ELP1: variants seen among roughly 807,000 people sequenced by gnomAD.
The protein encoded by ELP1 is elongator acetyltransferase complex subunit 1.
Under a neutral mutation model 183.2 loss-of-function variants are expected in ELP1, and 131 were observed. The ratio of observed to expected loss-of-function variants is 0.72; its 90% CI spans 0.62 to 0.83. The LOEUF is 0.83. Among genes scored for constraint, ELP1 ranks in the 40% least tolerant of loss-of-function variants. ELP1 has a pLI of 0.00. For synonymous variants in ELP1, 555 were observed against 569.0 expected (o/e 0.98, Z 0.35); for missense variants, 1,550 against 1,594.9 (o/e 0.97, Z 0.48).
chr9:108,917,123 T>C (rs1299977943), intron 9 of ELP1, among the ~76,000 whole-genome samples: 3 of 152,230 alleles, frequency 2.0e-5, no homozygotes, highest in Non-Finnish European at 4.4e-5. Flanking sequence ...GCCACCATTT[T>C]TATTACTATT....
At position 108,891,257 on chromosome 9, in the gene ELP1, C is replaced by T. The variant is rs751489413; in HGVS notation, c.3106G>A (p.Ala1036Thr). 1.2e-6 allele frequency: 2 copies of T among 1,614,092 alleles called. No homozygotes were observed. The highest frequency in any genetic ancestry group is 1.3e-5 in the African/African-American group (1 of 74,932). Residue 1036 changes from alanine (A) to threonine (T), a missense_variant, in exon 28 of 37, where the codon GCC (alanine) becomes ACC (threonine). By Grantham distance (58) the Ala-to-Thr change is moderately conservative. Transcript: ENST00000374647. ...GNWKQALCVA[A>T]QLNFTKDQLV... is the part of the protein sequence containing the mutation. ...TGGTCTTTGGTAAAGTTAAGCTGGG[C>T]TGCCACACAGAGGGCTTGCTTCCAG... is the stretch of plus-strand genomic sequence containing the variant.
intron 20 of ELP1, among the ~76,000 whole-genome samples, chr9:108,899,060 G>A (rs1255434064): frequency 2.6e-5 from 4 of 152,018 alleles, no homozygotes; most frequent in Admixed American, 1.3e-4. Flanking sequence ...ACTTTGGGAG[G>A]CCGAGGTGGG....
chr9:108,885,265 T>C (rs1477766220), intron 29 of ELP1, among the ~76,000 whole-genome samples: 6 of 151,932 alleles, frequency 3.9e-5, no homozygotes, highest in Non-Finnish European at 8.8e-5. Flanking sequence ...ATCAATAAAA[T>C]TGATAAACCT....
chr9:108,870,065 C>A (rs892956525), intron 36 of ELP1, among the ~76,000 whole-genome samples: 7 of 151,986 alleles, frequency 4.6e-5, no homozygotes, highest in African/African-American at 1.7e-4. Flanking sequence ...AGCCTCGACC[C>A]CCTGGGTTCA....
Position 108,878,742 on chromosome 9 carries a change from G to C in ELP1, c.3581C>G (p.Ser1194Cys), listed in dbSNP as rs1827798260. The C allele has an allele frequency of 6.2e-7, 1 of 1,613,980 alleles. No homozygotes were observed. ...CCGCTCCGCTTTTCGGCGATTCTTG[G>C]ATGATCTCCTGTTAGAAATTACACA... ...HSNSRISARS[S>C]KNRRKAERKK... Residue 1194 changes from serine (S) to cysteine (C), a missense_variant, in exon 34 of 37, where the codon TCC (serine) becomes TGC (cysteine). Transcript: ENST00000374647.
intron 36 of ELP1, among the ~76,000 whole-genome samples, chr9:108,873,990 AGTTT>A (rs1386192624): frequency 3.2e-4 from 48 of 152,212 alleles, no homozygotes; most frequent in African/African-American, 1.1e-3. Flanking sequence ...TGGATGTATG[AGTTT>A]AGCTGGGATG....
chr9:108,912,675 G>A (rs2132017547), intron 10 of ELP1, among the ~76,000 whole-genome samples, 181 bp from the exon 11 acceptor site: 1 of 150,884 alleles, frequency 6.6e-6, no homozygotes, highest in Non-Finnish European at 1.5e-5. Flanking sequence ...AAAATATCAA[G>A]AATCAATAAG....
In ELP1 at chr9:108,919,324, T is replaced by C; in HGVS notation, c.578A>G (p.Asp193Gly). The C allele has an allele frequency of 6.2e-7, 1 of 1,613,730 alleles. No homozygotes were observed. The highest frequency in any genetic ancestry group is 1.3e-5 in the African/African-American group (1 of 74,982). The change falls in exon 7 of 37, where the codon GAC becomes GGC. Residue 193 changes from aspartate to glycine, a missense_variant. Transcript: ENST00000374647. ...CCGCCAGGTAACTTGTGGTCTATGG[T>C]CATCCCAGGGCAAAGCAGACTCATG... ...QMHESALPWD[D>G]HRPQVTWRGD...
Position 108,880,158 on chromosome 9 carries a change from T to C in ELP1, c.3354A>G (p.Lys1118=), listed in dbSNP as rs1210871913. The C allele has an allele frequency of 4.3e-6, 7 of 1,610,664 alleles. No individual in the cohort carries two copies. The highest frequency in any genetic ancestry group is 5.9e-6 in the Non-Finnish European group (7 of 1,176,950). ...GAGAGTCCAGAAATGCCATATAATT[T>C]TTCTGGGCTGGAGATGCAGAATGGA... The part of the protein sequence containing the change: ...NVKPSILEAQ[K]NYMAFLDSQT... The change falls in exon 32 of 37, where the codon AAA becomes AAG. Residue 1118 remains lysine (K), a synonymous_variant. Coordinates refer to ENST00000374647, the MANE Select transcript of ELP1 (RefSeq NM_003640.5).
At position 108,908,498 on chromosome 9, in the gene ELP1, G is replaced by A. The variant is rs1829098168; in HGVS notation, c.1361-94C>T. ...GTCTGCAATTAATGAGTTCTAGAAG[G>A]CAAACAGCAATCTAGAAAATAATCA... On this transcript the variant is annotated intron_variant, in intron 12 of 36. Transcript: ENST00000374647. 3 of 870,942 alleles carry A rather than the reference G, an allele frequency of 3.4e-6. No individual in the cohort carries two copies. In the South Asian group the frequency reaches 4.2e-5, roughly 12 times the overall value. 54.0% of individuals were successfully genotyped at this position (870,942 alleles called of 1,614,324 possible).
At chr9:108,898,811 G>C (rs1394995280) in intron 20 of ELP1, 62 bp from the exon 21 acceptor site, 1 of 1,112,018 alleles carries the variant, frequency 9.0e-7, no homozygotes, top group African/African-American at 1.5e-5. Context: ...CATGGGCCCA[G>C]CATATTTTCA....
chr9:108,877,717 GA>G (rs1320707987), intron 35 of ELP1, among the ~76,000 whole-genome samples: 1 of 152,110 alleles, frequency 6.6e-6, no homozygotes, highest in Non-Finnish European at 1.5e-5. Flanking sequence ...CAACCTCATT[GA>G]AGGCCAGGAG....
chr9:108,887,194 G>T (rs1221933917), intron 29 of ELP1, among the ~76,000 whole-genome samples: 1 of 152,022 alleles, frequency 6.6e-6, no homozygotes, highest in African/African-American at 2.4e-5. Context: ...GGGTGACAGA[G>T]CAAGACTCTG....
chr9:108,879,568 A>C lies in ELP1; in HGVS notation c.3461-11T>G. The C allele has an allele frequency of 1.3e-6, 2 of 1,595,618 alleles. No individual in the cohort carries two copies. Among genetic ancestry groups the C allele is most frequent in the Non-Finnish European group, 1.7e-6 (2 of 1,163,336 alleles). On this transcript the variant is annotated splice_polypyrimidine_tract_variant and intron_variant, in intron 32 of 36. Coordinates refer to ENST00000374647, the MANE Select transcript of ELP1 (RefSeq NM_003640.5). Reference sequence around the variant, plus strand: ...GGGGTACCTCATCATCTAGAAAAGAAGAACCAGAAGCCGATGAAAACACTG... The same window carrying C: ...GGGGTACCTCATCATCTAGAAAAGACGAACCAGAAGCCGATGAAAACACTG...
chr9:108,886,872 A>T (rs1828143693), intron 29 of ELP1, among the ~76,000 whole-genome samples: 1 of 150,708 alleles, frequency 6.6e-6, no homozygotes, highest in South Asian at 2.1e-4. Flanking sequence ...CACAGGTTGT[A>T]GTTTGCCAAC....
intron 7 of ELP1, 132 bp downstream of exon 7, chr9:108,919,121 C>T (rs762697953): frequency 4.0e-5 from 31 of 768,256 alleles, no homozygotes; most frequent in Non-Finnish European, 6.6e-5. Context: ...CCTCATTTCA[C>T]ATTTAAAGCA....
intron 6 of ELP1, among the ~76,000 whole-genome samples, chr9:108,922,137 T>C (rs536508762): frequency 3.3e-5 from 5 of 152,346 alleles, no homozygotes; most frequent in African/African-American, 1.2e-4. Context: ...ATGGCACATC[T>C]TCTTGGGGCA....
intron 33 of ELP1, among the ~76,000 whole-genome samples, 161 bp downstream of exon 33, chr9:108,879,285 C>T (rs1413610500): frequency 6.6e-6 from 1 of 152,204 alleles, no homozygotes; most frequent in African/African-American, 2.4e-5. Context: ...AGTTTAATGT[C>T]TCAGATATGC....
rs1330641070 is a variant in ELP1 at position 108,906,294 on chromosome 9, C to T, written c.1643+9G>A. The T allele has an allele frequency of 6.2e-7, 1 of 1,613,742 alleles. No homozygotes were observed. Among genetic ancestry groups the T allele is most frequent in the South Asian group, 1.1e-5 (1 of 91,072 alleles). ...TTAACATGTGGAGTACAGGGAAAAA[C>T]TGCAATACCTGACATTGAGCTGTCC... On this transcript the variant is annotated intron_variant, in intron 14 of 36. Transcript: ENST00000374647.
Sources: allele counts gnomAD v4.1 joint callset (sites outside exome capture counted in the v4.1 genomes callset), GRCh38; gene constraint gnomAD v4.1.1; transcripts MANE v1.5; gene names NCBI Gene and HGNC (gene_info 2026-07-23, HGNC 2026-07-21).